Variants in CPLANE1 observed in about 807,000 individuals in gnomAD.
CPLANE1 encodes the protein ciliogenesis and planar polarity effector 1.
In CPLANE1, 263 loss-of-function variants were observed where a neutral mutation model predicts 362.5. The observed-to-expected ratio is 0.73, with a 90% CI of 0.66 to 0.80. CPLANE1 has a LOEUF of 0.80. Ranked by LOEUF, CPLANE1 falls within the 30% of genes least tolerant of loss-of-function variation. CPLANE1 has a pLI of 0.00. For missense variants in CPLANE1, 3,461 were observed against 3,793.4 expected (o/e 0.91, Z 2.30); for synonymous variants, 1,212 against 1,302.6 (o/e 0.93, Z 1.50).
intron 52 of CPLANE1, 52 bp from the exon 53 acceptor site, chr5:37,107,830 A>G (rs962216823): frequency 2.0e-6 from 3 of 1,475,572 alleles, no homozygotes; most frequent in Non-Finnish European, 2.7e-6. Flanking sequence ...ACAAACAAAA[A>G]AACAAAAACA....
intron 15 of CPLANE1, among the ~76,000 whole-genome samples, chr5:37,214,424 G>A (rs1793471361): frequency 6.6e-6 from 1 of 152,076 alleles, no homozygotes; most frequent in African/African-American, 2.4e-5. Context: ...GCAGTAAGCT[G>A]AGATTGTGCC....
the CPLANE1 span, among the ~76,000 whole-genome samples, chr5:37,077,061 T>C: frequency 1.5e-4 from 23 of 151,934 alleles, no homozygotes; most frequent in Non-Finnish European, 2.9e-4. Context: ...ACAGGATGCA[T>C]TTCAATAAAA....
At chr5:37,231,839 A>T (rs778213011) in intron 8 of CPLANE1, among the ~76,000 whole-genome samples, 4 of 151,992 alleles carry the variant, frequency 2.6e-5, no homozygotes, top group African/African-American at 9.7e-5. Flanking sequence ...ACAGGTGTTG[A>T]TATCTGGTGA....
rs1351894088 is a variant in CPLANE1, at chr5:37,226,752, G to A, written c.1843C>T (p.Pro615Ser). 6.5e-7 allele frequency: 1 copy of A among 1,542,752 alleles called. No individual in the cohort carries two copies. The highest frequency in any genetic ancestry group is 8.7e-7 in the Non-Finnish European group (1 of 1,143,098). Residue 615 changes from proline (P) to serine (S), a missense_variant, in exon 12 of 53, where the codon CCT becomes TCT. By Grantham distance (74) the Pro-to-Ser change is moderately conservative. Around this residue, in one of 2 missense-constraint regions of CPLANE1, gnomAD observed 3,380 missense variants for 3,666.1 expected, o/e 0.92. Coordinates refer to ENST00000651892, the MANE Select transcript of CPLANE1 (RefSeq NM_001384732.1). ...FFYILQFIKC[P>S]FPKLDLVLSK... ...AAAACAAGATCAAGTTTAGGAAAAG[G>A]ACATTTTATAAATTGAAGAATGTAA...
chr5:37,166,920 TGAAAA>T lies in CPLANE1; in HGVS notation c.7400+122_7400+126del, dbSNP rs36232020. The T allele has an allele frequency of 6.0e-3, 4,252 of 713,902 alleles. 109 individuals carry two copies. Among genetic ancestry groups the T allele is most frequent in the African/African-American group, 0.057 (3,093 of 54,150 alleles). The allele number at this position is 713,902 out of a possible 1,614,324, so 44.2% of individuals were successfully genotyped here. On this transcript the variant is annotated intron_variant, in intron 35 of 52. Transcript: ENST00000651892. ...AAAATGTTTTCAGATGCATGACACT[TGAAAA>T]GAAAACTGAATGTGCAATTGTGTAT...
intron 37 of CPLANE1, among the ~76,000 whole-genome samples, chr5:37,162,882 G>A (rs560096197): frequency 3.3e-5 from 5 of 152,258 alleles, no homozygotes; most frequent in South Asian, 2.1e-4. Flanking sequence ...GTTTCGCCAC[G>A]TTGGCCAGGC....
chr5:37,144,573 C>T (rs529833714), intron 43 of CPLANE1, among the ~76,000 whole-genome samples: 15 of 151,924 alleles, frequency 9.9e-5, no homozygotes, highest in East Asian at 3.9e-4. Context: ...AATTTTAGGC[C>T]GGGCACGGTG....
chr5:37,248,607 T>C (rs960156807), intron 1 of CPLANE1, among the ~76,000 whole-genome samples: 3 of 152,122 alleles, frequency 2.0e-5, no homozygotes, highest in Non-Finnish European at 4.4e-5. Context: ...TGATTGTGCC[T>C]GTGAGAGCCA....
intron 29 of CPLANE1, 125 bp downstream of exon 29, chr5:37,179,236 C>CATGGTGCAT: frequency 1.5e-6 from 1 of 656,964 alleles, no homozygotes; most frequent in Non-Finnish European, 2.6e-6. Context: ...TTCTACAACC[C>CATGGTGCAT]ATGGTGCATT....
chr5:37,180,508 T>G (rs1489244523), intron 27 of CPLANE1, among the ~76,000 whole-genome samples: 1 of 152,202 alleles, frequency 6.6e-6, no homozygotes, highest in African/African-American at 2.4e-5. Flanking sequence ...GGACTCTTCA[T>G]GCTATAATGG....
chr5:37,088,986 T>G, the CPLANE1 span, among the ~76,000 whole-genome samples: 1 of 152,128 alleles, frequency 6.6e-6, no homozygotes, highest in Non-Finnish European at 1.5e-5. Flanking sequence ...TTACTGATTT[T>G]ATCATACTGG....
Position 37,169,478 on chromosome 5 carries a change from TAAG to T in CPLANE1, c.6543_6545del (p.Asn2181_Leu2182delinsLys). 1 of 1,614,100 alleles carries T rather than the reference TAAG, an allele frequency of 6.2e-7. No individual in the cohort carries two copies. Among genetic ancestry groups the T allele is most frequent in the Non-Finnish European group, 8.5e-7 (1 of 1,180,004 alleles). ...GAGCTGGATAAAACGAAGTGGATGG[TAAG>T]TTTTGAGATGATGGAATTGGTCCTT... On this transcript the variant is annotated inframe_deletion, in exon 34 of 53. Transcript: ENST00000651892.
intron 34 of CPLANE1, 123 bp downstream of exon 34, chr5:37,168,668 T>C (rs916513455): frequency 1.6e-5 from 13 of 802,246 alleles, no homozygotes; most frequent in South Asian, 8.3e-5. Flanking sequence ...AATTTTTATA[T>C]GCTATTTTCT....
intron 21 of CPLANE1, among the ~76,000 whole-genome samples, chr5:37,191,190 TA>T (rs139173408): frequency 8.1e-5 from 12 of 148,684 alleles, no homozygotes; most frequent in African/African-American, 7.4e-5. Context: ...TAGTTTAAAT[TA>T]AAAAAAAAAG....
Position 37,106,782 on chromosome 5 carries a change from G to T in CPLANE1, c.*820C>A. ...GGGGTATTTAATAGCTTTTTCAGAT[G>T]ATAGTGTGCTTTTATATTATACCAA... On this transcript the variant is annotated 3_prime_UTR_variant, in exon 53 of 53. Transcript: ENST00000651892. The T allele has an allele frequency of 1.1e-6, 1 of 903,560 alleles. No individual in the cohort carries two copies. Among genetic ancestry groups the T allele is most frequent in the South Asian group, 5.1e-5 (1 of 19,574 alleles). The allele number at this position is 903,560 out of a possible 1,614,324, so 56.0% of individuals were successfully genotyped here. A position where few individuals can be genotyped will look rare whatever the true frequency, so the allele number is the denominator to read the frequency against.
intron 16 of CPLANE1, among the ~76,000 whole-genome samples, chr5:37,207,714 G>A (rs1385001440): frequency 6.6e-6 from 1 of 152,102 alleles, no homozygotes; most frequent in African/African-American, 2.4e-5. Context: ...TTAAATTTCT[G>A]ATAGTATTTT....
chr5:37,114,830 T>C (rs1211523221), intron 51 of CPLANE1, 130 bp downstream of exon 51: 14 of 578,864 alleles, frequency 2.4e-5, no homozygotes, highest in Admixed American at 9.2e-5. Context: ...AACCCGGGAG[T>C]GGAGGTTACA....
In CPLANE1 at chr5:37,243,126, A is replaced by G; in HGVS notation, c.571-7T>C. On this transcript the variant is annotated splice_region_variant and splice_polypyrimidine_tract_variant and intron_variant, in intron 5 of 52. Coordinates refer to ENST00000651892, the MANE Select transcript of CPLANE1 (RefSeq NM_001384732.1). ...GGCAGCAGTCTCCAAATAACTGTAG[A>G]TAAATTTAATATACTTTAGTATAAA... 7.0e-7 allele frequency: 1 copy of G among 1,426,294 alleles called. No individual in the cohort carries two copies. Among genetic ancestry groups the G allele is most frequent in the Non-Finnish European group, 9.5e-7 (1 of 1,048,090 alleles). 88.4% of individuals were successfully genotyped at this position (1,426,294 alleles called of 1,614,324 possible).
chr5:37,096,948 C>G, the CPLANE1 span, among the ~76,000 whole-genome samples: 1 of 152,032 alleles, frequency 6.6e-6, no homozygotes, highest in Non-Finnish European at 1.5e-5. Flanking sequence ...AACACTTCTA[C>G]ACTGCTGGTG....
Sources: allele counts gnomAD v4.1 joint callset (sites outside exome capture counted in the v4.1 genomes callset), GRCh38; gene constraint gnomAD v4.1.1; regional missense constraint gnomAD v4.1.1; transcripts MANE v1.5; gene names NCBI Gene and HGNC (gene_info 2026-07-23, HGNC 2026-07-21).